Variants in ABCC1 observed in about 807,000 individuals in gnomAD.
ABCC1 encodes ATP binding cassette subfamily C member 1 (ABCC1 blood group).
ABCC1 carries 83 observed loss-of-function variants against 172.9 expected under a neutral mutation model. The observed-to-expected ratio is 0.48, with a 90% CI of 0.40 to 0.58. ABCC1 has a LOEUF of 0.58. ABCC1 is among the 20% of genes least tolerant of loss of function. ABCC1 has a pLI of 0.00. For missense variants in ABCC1, 1,817 were observed against 2,002.7 expected, an observed-to-expected ratio of 0.91 and a Z score of 1.77; for synonymous variants, 937 against 825.2, an observed-to-expected ratio of 1.14 and a Z score of -2.32.
chr16:16,102,528 T>C, intron 19 of ABCC1, 99 bp from the exon 20 acceptor site: 1 of 1,061,468 alleles, frequency 9.4e-7, no homozygotes, highest in South Asian at 1.4e-5. Flanking sequence ...GGCCAGGTGC[T>C]CTGTGGTCTC....
intron 1 of ABCC1, among the ~76,000 whole-genome samples, chr16:15,979,012 G>T (rs999626771): frequency 3.3e-5 from 5 of 151,988 alleles, no homozygotes; most frequent in African/African-American, 1.2e-4. Context: ...ATTTTTTTTG[G>T]CCAGGCGTGG....
rs968600823 is a variant in ABCC1 at position 16,141,343 on chromosome 16, G to A, written c.*62G>A. The A allele has an allele frequency of 1.3e-6, 2 of 1,483,832 alleles. No homozygotes were observed. The highest frequency in any genetic ancestry group is 1.9e-6 in the Non-Finnish European group (2 of 1,069,112). 91.9% of individuals were successfully genotyped at this position (1,483,832 alleles called of 1,614,324 possible). A position where few individuals can be genotyped will look rare whatever the true frequency, so the allele number is the denominator to read the frequency against. ...CCTATATGCCAGCGCCCAGGGAGGA[G>A]TCAGTACCCCTGGTAAACCAAGCCT... On this transcript the variant is annotated 3_prime_UTR_variant, in exon 31 of 31. Transcript: ENST00000399410.
chr16:16,105,177 C>T (rs1020281761), intron 20 of ABCC1, among the ~76,000 whole-genome samples: 12 of 152,370 alleles, frequency 7.9e-5, no homozygotes, highest in Middle Eastern at 3.4e-3. Flanking sequence ...GCTGCCAGCA[C>T]GCTGTCACTT....
At chr16:15,953,196 C>G (rs570564826) in intron 1 of ABCC1, among the ~76,000 whole-genome samples, 1 of 151,014 alleles carries the variant, frequency 6.6e-6, no homozygotes, top group Non-Finnish European at 1.5e-5. Flanking sequence ...ATTAGCTGGG[C>G]CTGGTGATTC....
intron 13 of ABCC1, among the ~76,000 whole-genome samples, chr16:16,071,422 C>A (rs1760571096): frequency 6.6e-6 from 1 of 151,982 alleles, no homozygotes; most frequent in Non-Finnish European, 1.5e-5. Flanking sequence ...TCTGAAATAC[C>A]TTTTGTGGGC....
At chr16:16,085,639 G>C (rs1171386603) in intron 17 of ABCC1, among the ~76,000 whole-genome samples, 1 of 152,316 alleles carries the variant, frequency 6.6e-6, no homozygotes, top group Admixed American at 6.5e-5. Context: ...AAGTTGCCAG[G>C]CATGGTGCCG....
At chr16:16,119,268 T>C (rs1013273806) in intron 23 of ABCC1, among the ~76,000 whole-genome samples, 1 of 151,986 alleles carries the variant, frequency 6.6e-6, no homozygotes, top group East Asian at 1.9e-4. Flanking sequence ...TGGGAAAACC[T>C]GGTCTCTACA....
Position 16,007,922 on chromosome 16 carries a change from T to C in ABCC1, c.155T>C (p.Phe52Ser). The C allele has an allele frequency of 6.2e-7, 1 of 1,612,348 alleles. No homozygotes were observed. The highest frequency in any genetic ancestry group is 1.1e-5 in the South Asian group (1 of 90,794). The part of the protein sequence containing the change: ...PCFYLWACFP[F>S]YFLYLSRHDR... The stretch of plus-strand genomic sequence containing the variant: ...TTTTACCTCTGGGCCTGTTTCCCCT[T>C]CTACTTCCTCTATCTCTCCCGACAT... The change falls in exon 2 of 31, where the codon TTC becomes TCC. Residue 52 changes from phenylalanine (F) to serine (S), a missense_variant. This residue lies in a region of ABCC1 where 398 missense variants were observed against 384.2 expected (regional missense o/e 1.04). Coordinates refer to ENST00000399410, the MANE Select transcript of ABCC1 (RefSeq NM_004996.4).
intron 18 of ABCC1, 89 bp downstream of exon 18, chr16:16,087,080 C>A: frequency 2.1e-6 from 3 of 1,400,054 alleles, no homozygotes; most frequent in South Asian, 1.3e-5. Flanking sequence ...CCTTTACTTT[C>A]TCTGGCTTTC....
In ABCC1 at chr16:16,053,774, C is replaced by CAAA. The variant is rs10526186; in HGVS notation, c.1473+996_1473+998dup. ...TGCACAACAGAGTGAGACCCTGTCT[C>CAAA]AAAAAAAAAAAAAAAAAAAAAAAAA... On this transcript the variant is annotated intron_variant, in intron 11 of 30. Transcript: ENST00000399410. 6.6e-4 allele frequency among the ~76,000 whole-genome samples: 24 copies of CAAA among 36,220 alleles called. 2 individuals carry two copies. The highest frequency in any genetic ancestry group is 1.3e-3 in the Non-Finnish European group (18 of 14,012). The allele number at this position is 36,220 out of a possible 152,430, so 23.8% of individuals were successfully genotyped here. A position where few individuals can be genotyped will look rare whatever the true frequency, so the allele number is the denominator to read the frequency against.
At chr16:16,123,057 G>C (rs1347675415) in intron 24 of ABCC1, among the ~76,000 whole-genome samples, 1 of 152,160 alleles carries the variant, frequency 6.6e-6, no homozygotes, top group Non-Finnish European at 1.5e-5. Flanking sequence ...CAGCACCCCA[G>C]AGGTGTCCCA....
At chr16:16,097,403 G>A (rs928350254) in intron 19 of ABCC1, among the ~76,000 whole-genome samples, 2 of 152,132 alleles carry the variant, frequency 1.3e-5, no homozygotes, top group Non-Finnish European at 2.9e-5. Flanking sequence ...ATGAGCCATC[G>A]TGCCCGGCTG....
intron 1 of ABCC1, among the ~76,000 whole-genome samples, chr16:15,962,745 A>G (rs965854120): frequency 6.6e-6 from 1 of 152,210 alleles, no homozygotes; most frequent in African/African-American, 2.4e-5. Flanking sequence ...CCCATGATCT[A>G]ATCACCTCCA....
At chr16:15,976,965 A>C (rs2046510008) in intron 1 of ABCC1, among the ~76,000 whole-genome samples, 1 of 152,052 alleles carries the variant, frequency 6.6e-6, no homozygotes, top group Admixed American at 6.5e-5. Context: ...AGTCATGGTC[A>C]CTCCTTTCAA....
At chr16:16,039,695 T>C (rs2048898639) in intron 7 of ABCC1, among the ~76,000 whole-genome samples, 1 of 152,182 alleles carries the variant, frequency 6.6e-6, no homozygotes, top group Admixed American at 6.5e-5. Context: ...ATCCTGAGTG[T>C]TACTGCTTTT....
At chr16:15,990,365 A>G (rs1221259333) in intron 1 of ABCC1, among the ~76,000 whole-genome samples, 1 of 152,160 alleles carries the variant, frequency 6.6e-6, no homozygotes, top group Non-Finnish European at 1.5e-5. Flanking sequence ...ATTTTTAAGT[A>G]TACAATATAG....
chr16:15,968,754 C>T (rs2046302754), intron 1 of ABCC1, among the ~76,000 whole-genome samples: 1 of 152,040 alleles, frequency 6.6e-6, no homozygotes, highest in African/African-American at 2.4e-5. Context: ...GACAGGATCT[C>T]CTCTGTTGCT....
chr16:16,116,732 G>T (rs2044890393), intron 23 of ABCC1, among the ~76,000 whole-genome samples: 1 of 152,028 alleles, frequency 6.6e-6, no homozygotes. Flanking sequence ...GCTAGTTTTT[G>T]TATTTTTAGT....
chr16:15,968,771 G>A (rs1345698492), intron 1 of ABCC1, among the ~76,000 whole-genome samples: 1 of 152,142 alleles, frequency 6.6e-6, no homozygotes, highest in Non-Finnish European at 1.5e-5. Context: ...TGCTCAGGGT[G>A]GAGTGCAGGG....
Sources: allele counts gnomAD v4.1 joint callset (sites outside exome capture counted in the v4.1 genomes callset), GRCh38; gene constraint gnomAD v4.1.1; regional missense constraint gnomAD v4.1.1; transcripts MANE v1.5; gene names NCBI Gene and HGNC (gene_info 2026-07-23, HGNC 2026-07-21).